HEPH: variants seen among roughly 807,000 people sequenced by gnomAD.
The protein encoded by HEPH is hephaestin.
In HEPH, 69 loss-of-function variants were observed where a neutral mutation model predicts 80.8. The observed-to-expected ratio is 0.85, with a 90% CI of 0.70 to 1.04. HEPH has a LOEUF of 1.04. Ranked by LOEUF, HEPH falls within the 50% of genes least tolerant of loss-of-function variation. The pLI is 0.00. For synonymous variants in HEPH, 431 were observed against 322.8 expected (o/e 1.34, Z -3.60); for missense variants, 1,115 against 891.3 (o/e 1.25, Z -3.20).
At chrX:66,200,460 T>C in intron 11 of HEPH, 80 bp from the exon 12 acceptor site, 2 of 793,652 alleles carry the variant, frequency 2.5e-6, no homozygotes, top group African/African-American at 2.0e-5. Flanking sequence ...CCATAGTACA[T>C]AGCTGATGCC....
chrX:66,209,601 A>T (rs2089002097), intron 15 of HEPH, among the ~76,000 whole-genome samples: 1 of 112,646 alleles, frequency 8.9e-6, no homozygotes. Context: ...GGTGTAAAGG[A>T]AAAAGAATAG....
At chrX:66,178,784 A>G (rs186283732) in intron 4 of HEPH, among the ~76,000 whole-genome samples, 39 of 111,367 alleles carry the variant, frequency 3.5e-4, no homozygotes, top group African/African-American at 1.3e-3. Flanking sequence ...CCACTTTTTG[A>G]TGGGGTTGTT....
chrX:66,203,489 T>C lies in HEPH; in HGVS notation c.2203T>C (p.Tyr735His). The C allele has an allele frequency of 8.3e-7, 1 of 1,211,573 alleles. No homozygotes were observed. ...CCAACGCTACCAAGCTGCAAGAATC[T>C]ACTATATCATGGCAGAAGAAGTAGA... ...PRQRYQAARI[Y>H]YIMAEEVEWD... Residue 735 changes from tyrosine to histidine, a missense_variant, in exon 13 of 21, where the codon TAC (tyrosine) becomes CAC (histidine). This residue lies in a region of HEPH where 716 missense variants were observed against 523.5 expected (regional missense o/e 1.37). Transcript: ENST00000343002.
intron 4 of HEPH, among the ~76,000 whole-genome samples, chrX:66,188,111 G>A (rs1233387528): frequency 6.3e-5 from 7 of 111,502 alleles, no homozygotes; most frequent in Non-Finnish European, 5.6e-5. Flanking sequence ...GACATAGGCA[G>A]GGATGGTAGG....
chrX:66,239,237 G>T (rs1413315754), intron 15 of HEPH, among the ~76,000 whole-genome samples: 3 of 111,887 alleles, frequency 2.7e-5, no homozygotes, highest in Admixed American at 1.9e-4. Flanking sequence ...GTTGCTCCTT[G>T]TCGGTTCAAC....
At chrX:66,247,323 T>C (rs967162702) in intron 15 of HEPH, among the ~76,000 whole-genome samples, 1 of 107,660 alleles carries the variant, frequency 9.3e-6, no homozygotes, top group African/African-American at 3.4e-5. Flanking sequence ...GATGTTGTCC[T>C]ACAGGTCCCT....
chrX:66,215,668 G>A (rs769576490), intron 15 of HEPH, among the ~76,000 whole-genome samples: 1 of 111,798 alleles, frequency 8.9e-6, no homozygotes, highest in African/African-American at 3.3e-5. Context: ...GGACAGAGCA[G>A]CATGTGAAGA....
intron 4 of HEPH, among the ~76,000 whole-genome samples, chrX:66,174,254 T>G (rs1296730900): frequency 9.0e-6 from 1 of 111,397 alleles, no homozygotes; most frequent in East Asian, 2.8e-4. Flanking sequence ...AGTGAGAACA[T>G]ACAATGTTTA....
At chrX:66,224,386 C>A (rs1449566426) in intron 15 of HEPH, among the ~76,000 whole-genome samples, 3 of 109,961 alleles carry the variant, frequency 2.7e-5, no homozygotes, top group African/African-American at 1.0e-4. Flanking sequence ...AAGGGAGTTC[C>A]TCCTAGGTCT....
chrX:66,268,676 T>G (rs2091589319), downstream of HEPH: 1 of 111,950 alleles, frequency 8.9e-6, no homozygotes, highest in Non-Finnish European at 1.9e-5. Flanking sequence ...TGAGATGGAA[T>G]GCATTTCTTC....
upstream of HEPH, chrX:66,162,967 A>G (rs1388925820): frequency 9.7e-5 from 84 of 866,189 alleles, no homozygotes; most frequent in Non-Finnish European, 1.3e-4. Flanking sequence ...TTAGAGAGGC[A>G]TAGTATTCTC....
chrX:66,180,793 C>A (rs2087093812), intron 4 of HEPH, among the ~76,000 whole-genome samples: 1 of 89,636 alleles, frequency 1.1e-5, no homozygotes, highest in African/African-American at 4.1e-5. Flanking sequence ...GTGCGCTGCA[C>A]CCACTAACGT....
At chrX:66,202,259 ACAGT>A (rs775376661) in intron 12 of HEPH, among the ~76,000 whole-genome samples, 115 of 111,530 alleles carry the variant, frequency 1.0e-3, no homozygotes, top group African/African-American at 3.7e-3. Flanking sequence ...TGTGAGAGAA[ACAGT>A]CAGAGTTCCA....
rs2091540232 is a variant in HEPH at position 66,266,450 on chromosome X, C to A, written c.3255C>A (p.Pro1085=). 15 of 1,208,057 alleles carry A rather than the reference C, an allele frequency of 1.2e-5. No homozygotes were observed. The highest frequency in any genetic ancestry group is 1.6e-5 in the Non-Finnish European group (14 of 893,143). The stretch of plus-strand genomic sequence containing the variant: ...TTTTCTCCATTTCAGCAGTGCCCCC[C>A]AGAGACATTGAAGAAGGCAATGTGA... ...ITKETEKAVP[P]RDIEEGNVKM... is the part of the protein sequence containing the mutation. The change falls in exon 21 of 21, where the codon CCC becomes CCA. Residue 1085 remains proline, a synonymous_variant. Coordinates refer to ENST00000343002, the MANE Select transcript of HEPH (RefSeq NM_001367233.3).
chrX:66,247,012 C>A (rs746117556), intron 15 of HEPH, among the ~76,000 whole-genome samples: 9 of 111,717 alleles, frequency 8.1e-5, no homozygotes, highest in African/African-American at 2.6e-4. Flanking sequence ...TTATTTCTAA[C>A]CTCCATGGTC....
intron 15 of HEPH, among the ~76,000 whole-genome samples, chrX:66,217,757 A>C (rs1166698328): frequency 8.9e-6 from 1 of 111,906 alleles, no homozygotes; most frequent in Non-Finnish European, 1.9e-5. Context: ...ATAGATACGA[A>C]TTCACCAACT....
chrX:66,212,353 C>T (rs1257971179), intron 15 of HEPH, among the ~76,000 whole-genome samples: 1 of 110,454 alleles, frequency 9.1e-6, no homozygotes, highest in Non-Finnish European at 1.9e-5. Flanking sequence ...AATATAGTCC[C>T]GTGTGCCTAT....
Position 66,218,372 on chromosome X carries a change from G to A in HEPH, c.2563+10126G>A, listed in dbSNP as rs962755805. Among the ~76,000 whole-genome samples the A allele has an allele frequency of 3.6e-5, 4 of 111,651 alleles. No individual in the cohort carries two copies. The Admixed American group carries it at 3.8e-4, about 11-fold the overall frequency. On this transcript the variant is annotated intron_variant, in intron 15 of 20. Coordinates refer to ENST00000343002, the MANE Select transcript of HEPH (RefSeq NM_001367233.3). Reference sequence around the variant, plus strand: ...CTCTGACCACAGTGGAATAAAATGGGAATTCAACTCCAAAAGGAACCCTCA... The same window carrying A: ...CTCTGACCACAGTGGAATAAAATGGAAATTCAACTCCAAAAGGAACCCTCA...
At chrX:66,189,351 T>A (rs1173538573) in intron 5 of HEPH, among the ~76,000 whole-genome samples, 1 of 112,570 alleles carries the variant, frequency 8.9e-6, no homozygotes, top group African/African-American at 3.2e-5. Context: ...AAGAATAGCC[T>A]GCAAAATAAC....
Sources: allele counts gnomAD v4.1 joint callset (sites outside exome capture counted in the v4.1 genomes callset), GRCh38; gene constraint gnomAD v4.1.1; regional missense constraint gnomAD v4.1.1; transcripts MANE v1.5; gene names NCBI Gene and HGNC (gene_info 2026-07-23, HGNC 2026-07-21).